The following ST7 variants were observed in gnomAD, a reference collection of about 807,000 sequenced individuals.
ST7 encodes the protein suppressor of tumorigenicity 7 protein.
A neutral mutation model predicts 78.7 loss-of-function variants in ST7; 28 were observed. That is an observed-to-expected ratio of 0.36 (90% confidence interval 0.26 to 0.49). The LOEUF is 0.49. Ranked by LOEUF, ST7 falls within the 20% of genes least tolerant of loss-of-function variation. ST7 has a pLI of 0.99. For missense variants in ST7, 418 were observed against 696.0 expected (o/e 0.60, Z 4.49); for synonymous variants, 247 against 249.6 (o/e 0.99, Z 0.10).
chr7:116,998,082 G>T (rs1585117080), intron 1 of ST7, among the ~76,000 whole-genome samples: 1 of 152,234 alleles, frequency 6.6e-6, no homozygotes, highest in African/African-American at 2.4e-5. Context: ...CTGCACAGGA[G>T]CCCATGGAGG....
intron 1 of ST7, among the ~76,000 whole-genome samples, chr7:117,065,753 CT>C (rs751352094): frequency 3.9e-5 from 6 of 152,190 alleles, no homozygotes; most frequent in Non-Finnish European, 2.9e-5. Context: ...AGCCAGTCAT[CT>C]TTTTGAAATG....
chr7:117,033,420 CT>C (rs59212777), intron 1 of ST7, among the ~76,000 whole-genome samples: 1,775 of 141,942 alleles, frequency 0.013, 32 homozygotes, highest in African/African-American at 0.038. Flanking sequence ...TGTATACATG[CT>C]TTTTTTTTTT....
chr7:117,171,946 CTTT>C (rs35780344), intron 10 of ST7, among the ~76,000 whole-genome samples: 6 of 132,866 alleles, frequency 4.5e-5, no homozygotes, highest in Non-Finnish European at 5.0e-5. Flanking sequence ...CCATTTGGGT[CTTT>C]TTTTTTTTTT....
chr7:117,224,994 C>T (rs747691817), intron 15 of ST7, among the ~76,000 whole-genome samples: 1 of 152,126 alleles, frequency 6.6e-6, no homozygotes, highest in South Asian at 2.1e-4. Flanking sequence ...GTCTGGGGTC[C>T]GCATGGGCAA....
chr7:117,143,578 C>G (rs189953891), intron 9 of ST7, among the ~76,000 whole-genome samples: 1 of 152,262 alleles, frequency 6.6e-6, no homozygotes, highest in East Asian at 1.9e-4. Flanking sequence ...GTTCTAGGTG[C>G]TTTACAAATA....
chr7:116,988,892 A>G (rs909745189), intron 1 of ST7, among the ~76,000 whole-genome samples: 1 of 152,206 alleles, frequency 6.6e-6, no homozygotes, highest in African/African-American at 2.4e-5. Context: ...AATTCAGCAA[A>G]TAGCAAATAC....
chr7:117,080,896 G>T (rs537549934), intron 1 of ST7: 2 of 152,138 alleles, frequency 1.3e-5, no homozygotes, highest in South Asian at 4.1e-4. Context: ...TCTATCCATT[G>T]ATTTTTTGGA....
chr7:116,974,777 GA>G (rs1793612874), intron 1 of ST7, among the ~76,000 whole-genome samples: 1 of 152,116 alleles, frequency 6.6e-6, no homozygotes, highest in Admixed American at 6.5e-5. Context: ...CCAAAGTCAT[GA>G]AAAAATTTGC....
At chr7:117,188,180 G>T (rs998322622) in intron 10 of ST7, among the ~76,000 whole-genome samples, 3 of 152,300 alleles carry the variant, frequency 2.0e-5, no homozygotes, top group Admixed American at 2.0e-4. Flanking sequence ...TTTATTGAAA[G>T]AGAGATTGGT....
intron 9 of ST7, among the ~76,000 whole-genome samples, chr7:117,149,417 T>G (rs1238671589): frequency 6.6e-6 from 1 of 152,108 alleles, no homozygotes; most frequent in Non-Finnish European, 1.5e-5. Context: ...TCATGATTTC[T>G]TATTGTTCCA....
intron 1 of ST7, chr7:117,020,770 AG>A: frequency 7.8e-7 from 1 of 1,277,016 alleles, no homozygotes; most frequent in African/African-American, 1.5e-5. Context: ...AATTGGTCTC[AG>A]GGAAGGAACT....
intron 3 of ST7, among the ~76,000 whole-genome samples, chr7:117,120,324 C>T (rs998190877): frequency 6.6e-6 from 1 of 152,152 alleles, no homozygotes; most frequent in African/African-American, 2.4e-5. Flanking sequence ...TTTCTCAGAC[C>T]ACAGTGAATA....
chr7:117,168,792 A>G (rs1807760278), intron 9 of ST7, among the ~76,000 whole-genome samples: 1 of 152,218 alleles, frequency 6.6e-6, no homozygotes, highest in African/African-American at 2.4e-5. Context: ...AAAAAACAAA[A>G]CAATATGGTA....
At chr7:117,122,045 G>C (rs1248386040) in intron 3 of ST7, among the ~76,000 whole-genome samples, 1 of 152,120 alleles carries the variant, frequency 6.6e-6, no homozygotes, top group Non-Finnish European at 1.5e-5. Context: ...AAGATTAATG[G>C]AAGTAGAGAG....
At chr7:117,118,652 G>T (rs1029583410) in intron 2 of ST7, among the ~76,000 whole-genome samples, 2 of 152,180 alleles carry the variant, frequency 1.3e-5, no homozygotes, top group African/African-American at 4.8e-5. Context: ...TCTGTGGAAT[G>T]ATTTGTGACT....
chr7:116,953,566 T>C lies in ST7; in HGVS notation c.26T>C (p.Leu9Pro). MAEAATGF[L>P]EQLKSCIVWS... ...ATGGCTGAAGCGGCCACGGGCTTTC[T>C]GGAGCAGCTCAAGTCCTGCATAGTT... Residue 9 changes from leucine to proline, a missense_variant, in exon 1 of 16, where the codon CTG (leucine) becomes CCG (proline). Around this residue, in one of 4 missense-constraint regions of ST7, gnomAD observed 71 missense variants for 61.5 expected, o/e 1.16. Transcript: ENST00000323984. The C allele has an allele frequency of 6.9e-7, 1 of 1,453,038 alleles. No homozygotes were observed. Among genetic ancestry groups the C allele is most frequent in the South Asian group, 1.3e-5 (1 of 76,538 alleles). 90.0% of individuals were successfully genotyped at this position (1,453,038 alleles called of 1,614,324 possible).
At chr7:117,119,755 C>T in intron 3 of ST7, 35 bp downstream of exon 3, 1 of 1,595,424 alleles carries the variant, frequency 6.3e-7, no homozygotes, top group Non-Finnish European at 8.5e-7. Context: ...ATATTATTTG[C>T]TTACTGTTAC....
chr7:117,118,974 C>T (rs1391915086), intron 2 of ST7, among the ~76,000 whole-genome samples: 1 of 152,144 alleles, frequency 6.6e-6, no homozygotes, highest in African/African-American at 2.4e-5. Context: ...CACTTCTCTG[C>T]AAGTGGAATA....
intron 2 of ST7, among the ~76,000 whole-genome samples, chr7:117,115,450 G>A (rs374409525): frequency 6.6e-6 from 1 of 151,362 alleles, no homozygotes; most frequent in African/African-American, 2.4e-5. Flanking sequence ...CGTCTCCCAG[G>A]TTCAAGCAAT....
Sources: gnomAD v4.1 joint callset for allele counts (sites outside exome capture counted in the v4.1 genomes callset) on GRCh38, gnomAD v4.1.1 for gene constraint, gnomAD v4.1.1 regional missense constraint, MANE v1.5 for transcripts, NCBI Gene and HGNC (gene_info 2026-07-23, HGNC 2026-07-21) for gene names.